The following MUCL1 variants were observed in gnomAD, a reference collection of about 807,000 sequenced individuals.
MUCL1 encodes the protein mucin-like protein 1.
MUCL1 carries 11 observed loss-of-function variants against 9.2 expected under a neutral mutation model. That is an observed-to-expected ratio of 1.19 (90% CI 0.75 to 1.97). The LOEUF is 1.97. Ranked by LOEUF, MUCL1 falls within the 30% of genes most tolerant of loss-of-function variation. The pLI is 0.00. For synonymous variants in MUCL1, 48 were observed against 40.5 expected, an observed-to-expected ratio of 1.19 and a Z score of -0.71; for missense variants, 144 against 110.9, an observed-to-expected ratio of 1.30 and a Z score of -1.34.
chr12:54,846,191 C>G (rs1473376661), intron 1 of MUCL1, among the ~76,000 whole-genome samples: 28 of 152,178 alleles, frequency 1.8e-4, no homozygotes, highest in Admixed American at 1.8e-3. Flanking sequence ...CTGGTTAACA[C>G]AAGCCGTCTG....
At chr12:54,855,256 A>G in intron 2 of MUCL1, 99 bp downstream of exon 2, 3 of 1,081,810 alleles carry the variant, frequency 2.8e-6, no homozygotes, top group Non-Finnish European at 4.2e-6. Flanking sequence ...AGTCTTTGTT[A>G]TAAGGAATCC....
chr12:54,857,254 G>GTA (rs1868308110), intron 3 of MUCL1, among the ~76,000 whole-genome samples: 1 of 151,710 alleles, frequency 6.6e-6, no homozygotes, highest in Non-Finnish European at 1.5e-5. Context: ...GTGTGTGTGT[G>GTA]TGTGTGTGTG....
At chr12:54,833,692 A>G (rs541113149) in intron 1 of MUCL1, among the ~76,000 whole-genome samples, 1 of 152,184 alleles carries the variant, frequency 6.6e-6, no homozygotes, top group South Asian at 2.1e-4. Flanking sequence ...GAAGCTGGAA[A>G]CCATCATTCT....
upstream of MUCL1, among the ~76,000 whole-genome samples, chr12:54,853,558 A>C (rs919066519): frequency 6.6e-6 from 1 of 152,122 alleles, no homozygotes; most frequent in Non-Finnish European, 1.5e-5. Context: ...TCAGCTCCTT[A>C]AGAGTCTGTT....
chr12:54,857,484 C>G (rs1868309554), intron 3 of MUCL1, among the ~76,000 whole-genome samples: 1 of 152,058 alleles, frequency 6.6e-6, no homozygotes, highest in South Asian at 2.1e-4. Context: ...TTTTCTTGAC[C>G]TTTAACTTTC....
At chr12:54,852,046 T>A (rs973984713), upstream of MUCL1, among the ~76,000 whole-genome samples, 5 of 152,268 alleles carry the variant, frequency 3.3e-5, no homozygotes, top group Non-Finnish European at 7.4e-5. Context: ...GCTCATGGGT[T>A]GGAAGAATCA....
At chr12:54,840,401 G>T (rs1959205054) in intron 1 of MUCL1, among the ~76,000 whole-genome samples, 1 of 152,340 alleles carries the variant, frequency 6.6e-6, no homozygotes, top group South Asian at 2.1e-4. Context: ...TTTCCTTCCA[G>T]AATGCTGTAT....
intron 1 of MUCL1, among the ~76,000 whole-genome samples, chr12:54,841,236 T>C (rs1592246348): frequency 6.6e-6 from 1 of 151,904 alleles, no homozygotes; most frequent in East Asian, 1.9e-4. Context: ...AATTTCTTTA[T>C]TCATTTATTA....
chr12:54,843,020 G>A (rs1421786524), intron 1 of MUCL1, among the ~76,000 whole-genome samples: 2 of 152,164 alleles, frequency 1.3e-5, no homozygotes, highest in African/African-American at 2.4e-5. Context: ...GAAACATGCT[G>A]TACAGGTTTG....
upstream of MUCL1, among the ~76,000 whole-genome samples, chr12:54,835,604 TTG>T (rs1390136359): frequency 1.8e-4 from 4 of 21,644 alleles, no homozygotes; most frequent in Non-Finnish European, 2.6e-4. Flanking sequence ...TTTGATGGGA[TTG>T]TTTTTTTTTT....
At chr12:54,847,192 T>G (rs1477505345) in intron 1 of MUCL1, among the ~76,000 whole-genome samples, 1 of 152,202 alleles carries the variant, frequency 6.6e-6, no homozygotes, top group Non-Finnish European at 1.5e-5. Context: ...TTAACTCTCA[T>G]GTATCAAGAA....
intron 1 of MUCL1, among the ~76,000 whole-genome samples, chr12:54,832,884 G>T (rs111636206): frequency 6.6e-6 from 1 of 152,030 alleles, no homozygotes; most frequent in Non-Finnish European, 1.5e-5. Flanking sequence ...TAGAAATTTT[G>T]TATGTCCTGG....
chr12:54,854,162 C>G (rs565440852), upstream of MUCL1, among the ~76,000 whole-genome samples: 1 of 152,294 alleles, frequency 6.6e-6, no homozygotes, highest in African/African-American at 2.4e-5. Flanking sequence ...AAGTGTATGA[C>G]TCCTAGAATC....
intron 1 of MUCL1, among the ~76,000 whole-genome samples, chr12:54,842,578 G>A (rs184971748): frequency 6.6e-5 from 10 of 152,082 alleles, no homozygotes; most frequent in East Asian, 3.9e-4. Flanking sequence ...ACACAAATAC[G>A]TACATTGTTA....
At chr12:54,834,631 T>A (rs1246855243), upstream of MUCL1, among the ~76,000 whole-genome samples, 1 of 152,072 alleles carries the variant, frequency 6.6e-6, no homozygotes, top group Non-Finnish European at 1.5e-5. Context: ...AAATCCACTC[T>A]CTTAGCAAAT....
chr12:54,832,280 C>A (rs1959186351), intron 1 of MUCL1, among the ~76,000 whole-genome samples: 3 of 152,026 alleles, frequency 2.0e-5, no homozygotes, highest in Admixed American at 2.0e-4. Context: ...ATATGGCTTT[C>A]TTTCTGTTAA....
upstream of MUCL1, among the ~76,000 whole-genome samples, chr12:54,851,856 T>C (rs545763536): frequency 6.6e-6 from 1 of 152,258 alleles, no homozygotes; most frequent in African/African-American, 2.4e-5. Context: ...AGCATTCTTA[T>C]ACACCAATAA....
intron 1 of MUCL1, 28 bp from the exon 2 acceptor site, chr12:54,855,088 A>T (rs1223022524): frequency 6.2e-7 from 1 of 1,609,344 alleles, no homozygotes; most frequent in Non-Finnish European, 8.5e-7. Flanking sequence ...TTCAGCTAAC[A>T]TCTTAATTTT....
At chr12:54,853,601 G>A (rs1868272103), upstream of MUCL1, among the ~76,000 whole-genome samples, 1 of 151,880 alleles carries the variant, frequency 6.6e-6, no homozygotes, top group African/African-American at 2.4e-5. Context: ...GCCTTTTTTG[G>A]TCACCTTATA....
Sources: gnomAD v4.1 joint callset for allele counts (sites outside exome capture counted in the v4.1 genomes callset) on GRCh38, gnomAD v4.1.1 for gene constraint, MANE v1.5 for transcripts, NCBI Gene and HGNC (gene_info 2026-07-23, HGNC 2026-07-21) for gene names.